The following KCNAB2 variants were observed in gnomAD, a reference collection of about 807,000 sequenced individuals.
The protein encoded by KCNAB2 is potassium voltage-gated channel subfamily A regulatory beta subunit 2.
Under a neutral mutation model 63.6 loss-of-function variants are expected in KCNAB2, and 29 were observed. The ratio of observed to expected loss-of-function variants is 0.46; its 90% CI spans 0.34 to 0.62. The LOEUF is 0.62. Ranked by LOEUF, KCNAB2 falls within the 20% of genes least tolerant of loss-of-function variation. The pLI is 0.01. For missense variants in KCNAB2, 359 were observed against 563.9 expected, an observed-to-expected ratio of 0.64 and a Z score of 3.68; for synonymous variants, 222 against 224.2, an observed-to-expected ratio of 0.99 and a Z score of 0.09.
upstream of KCNAB2, among the ~76,000 whole-genome samples, chr1:6,042,843 A>G (rs868750402): frequency 6.9e-5 from 2 of 29,008 alleles, no homozygotes; most frequent in African/African-American, 1.4e-4. Context: ...CCCACTCCCC[A>G]CCCCCCCCCC....
chr1:6,030,698 G>GTGTGTATGTGTGTAGGTA (rs1465911849), upstream of KCNAB2, among the ~76,000 whole-genome samples: 1 of 151,722 alleles, frequency 6.6e-6, no homozygotes, highest in Non-Finnish European at 1.5e-5. Flanking sequence ...GTGTATGTGT[G>GTGTGTATGTGTGTAGGTA]TGTGTATGTG....
In KCNAB2 at chr1:6,100,898, A is replaced by G. The variant is rs538; in HGVS notation, c.*2324A>G. On this transcript the variant is annotated 3_prime_UTR_variant, in exon 16 of 16. Coordinates refer to ENST00000378083, the MANE Select transcript of KCNAB2 (RefSeq NM_001199862.2). ...GAAAGGAGGGCGCTGGCCCTGCTGG[A>G]CGCTTCGGAGCCCCCACTGTTTCCC... The G allele has an allele frequency of 0.77, 117,332 of 152,320 alleles. 45,475 individuals are homozygous for G. Among genetic ancestry groups the G allele is most frequent in the East Asian group, 0.99 (5,105 of 5,164 alleles). 9.4% of individuals were successfully genotyped at this position (152,320 alleles called of 1,614,324 possible).
At chr1:6,094,610 A>C (rs985065733) in intron 11 of KCNAB2, 125 bp downstream of exon 11, 1 of 732,658 alleles carries the variant, frequency 1.4e-6, no homozygotes, top group Admixed American at 2.3e-5. Context: ...CCTGGGTGCT[A>C]AGGGAGGGAC....
chr1:6,096,687 C>G lies in KCNAB2; in HGVS notation c.1000C>G (p.Gln334Glu). The G allele has an allele frequency of 6.2e-7, 1 of 1,607,270 alleles. No homozygotes were observed. The highest frequency in any genetic ancestry group is 8.5e-7 in the Non-Finnish European group (1 of 1,178,072). The change falls in exon 14 of 16, where the codon CAA becomes GAA. Residue 334 changes from glutamine to glutamate, a missense_variant. Physicochemically the swap from Gln to Glu is conservative, Grantham distance 29. Coordinates refer to ENST00000378083, the MANE Select transcript of KCNAB2 (RefSeq NM_001199862.2). The surrounding 1 kb of genome is among the most constrained non-coding windows in gnomAD (Gnocchi z 5.9). Reference sequence around the variant, plus strand: ...CCTCAGTGAGGAGGGCCGGCGCCAGCAAGCCAAGCTGAAGGAGCTGCAGGC... The same window carrying G: ...CCTCAGTGAGGAGGGCCGGCGCCAGGAAGCCAAGCTGAAGGAGCTGCAGGC... ...KILSEEGRRQ[Q>E]AKLKELQAIA...
At chr1:6,068,525 G>A (rs1412877993) in intron 2 of KCNAB2, among the ~76,000 whole-genome samples, 1 of 152,200 alleles carries the variant, frequency 6.6e-6, no homozygotes, top group Non-Finnish European at 1.5e-5. Flanking sequence ...GGCCAGGCCT[G>A]GGAGCTTTCC....
chr1:6,075,166 C>T (rs1371435809), intron 4 of KCNAB2, among the ~76,000 whole-genome samples: 1 of 152,130 alleles, frequency 6.6e-6, no homozygotes, highest in Non-Finnish European at 1.5e-5. Context: ...GTTTCCCTTT[C>T]GATGTGGTTT....
chr1:6,010,877 G>C (rs115709435), intron 1 of KCNAB2, among the ~76,000 whole-genome samples: 3,878 of 152,348 alleles, frequency 0.025, 173 homozygotes, highest in African/African-American at 0.088. Flanking sequence ...TGGAAGCGGC[G>C]AATGAGTGGC....
intron 1 of KCNAB2, among the ~76,000 whole-genome samples, chr1:6,050,520 G>A (rs1290709077): frequency 3.3e-5 from 5 of 152,194 alleles, no homozygotes; most frequent in Admixed American, 6.5e-5. Flanking sequence ...CAGTGGTTGC[G>A]TTCTGGACAC....
At chr1:6,036,819 A>G (rs980110253) in intron 1 of KCNAB2, among the ~76,000 whole-genome samples, 1 of 151,876 alleles carries the variant, frequency 6.6e-6, no homozygotes, top group African/African-American at 2.4e-5. Flanking sequence ...GGAAGGGAGG[A>G]GCAGCGAGGT....
intron 2 of KCNAB2, among the ~76,000 whole-genome samples, chr1:6,061,725 T>G (rs904029035): frequency 1.3e-5 from 2 of 152,230 alleles, no homozygotes; most frequent in East Asian, 3.8e-4. Flanking sequence ...TATAACGGAA[T>G]ATAATGTGCA....
rs937843657 is a variant in KCNAB2, at chr1:5,994,643, G to A, written c.-53+1855G>A. Among the ~76,000 whole-genome samples, 28 of 152,234 alleles carry A rather than the reference G, an allele frequency of 1.8e-4. No homozygotes were observed. The highest frequency in any genetic ancestry group is 1.6e-3 in the Admixed American group (25 of 15,290). On this transcript the variant is annotated intron_variant, in intron 1 of 16. Coordinates refer to the KCNAB2 transcript ENST00000341524. The surrounding 1 kb of genome is among the most constrained non-coding windows in gnomAD (Gnocchi z 5.4). The stretch of plus-strand genomic sequence containing the variant: ...CGTGAAAAAGTGTGAAACCCTTTTC[G>A]TGTGTTTCTTGGTTGAGAACCGTCT...
intron 1 of KCNAB2, among the ~76,000 whole-genome samples, chr1:6,050,156 T>A (rs116293387): frequency 0.012 from 1,900 of 152,298 alleles, 44 homozygotes; most frequent in African/African-American, 0.043. Flanking sequence ...CCCAGCTCCT[T>A]CCCAGGGATA....
chr1:6,068,038 A>C (rs1468171269), intron 2 of KCNAB2, among the ~76,000 whole-genome samples: 1 of 152,242 alleles, frequency 6.6e-6, no homozygotes, highest in Non-Finnish European at 1.5e-5. Flanking sequence ...CTCAAAAAAA[A>C]TAAAGCTAGG....
chr1:6,040,450 G>T, intron 1 of KCNAB2: 1 of 868,210 alleles, frequency 1.2e-6, no homozygotes, highest in Non-Finnish European at 1.9e-6. Context: ...AGAGTCTCCC[G>T]GCCAAACCTG....
chr1:6,030,774 A>C (rs1019790237), upstream of KCNAB2, among the ~76,000 whole-genome samples: 3 of 142,314 alleles, frequency 2.1e-5, no homozygotes, highest in Non-Finnish European at 4.7e-5. Context: ...GTGTGTGTAG[A>C]TATGTGTGTG....
At chr1:6,056,560 G>A (rs985257115) in intron 2 of KCNAB2, among the ~76,000 whole-genome samples, 1 of 152,164 alleles carries the variant, frequency 6.6e-6, no homozygotes, top group African/African-American at 2.4e-5. Flanking sequence ...ACACTGTGCT[G>A]ACTGGACACC....
rs1463508700 is a variant in KCNAB2, at chr1:6,073,988, C to T, written c.300+218C>T. ...GGGGATGCCGAGTCTGGTGCCATCA[C>T]CCAGCAGTGGATGCCTCGGGCCTCA... On this transcript the variant is annotated intron_variant, in intron 4 of 15. Transcript: ENST00000378083. This position sits in a 1 kb window ranked among gnomAD's most constrained non-coding sequence, Gnocchi z 5.7. The T allele has an allele frequency of 1.7e-6, 1 of 591,634 alleles. No individual in the cohort carries two copies. Among genetic ancestry groups the T allele is most frequent in the Non-Finnish European group, 3.0e-6 (1 of 329,834 alleles). 36.6% of individuals were successfully genotyped at this position (591,634 alleles called of 1,614,324 possible).
chr1:6,096,566 C>T lies in KCNAB2; in HGVS notation c.949-70C>T. The T allele has an allele frequency of 6.5e-7, 1 of 1,540,036 alleles. No individual in the cohort carries two copies. Among genetic ancestry groups the T allele is most frequent in the South Asian group, 1.2e-5 (1 of 81,456 alleles). ...GTCCAGAAGGAATGAGCCCATCGGC[C>T]CCCTGCACGTGGGGGTCCAGGTGAC... On this transcript the variant is annotated intron_variant, in intron 13 of 15. Transcript: ENST00000378083. The surrounding 1 kb of genome is among the most constrained non-coding windows in gnomAD (Gnocchi z 5.9).
chr1:6,080,789 T>A (rs374088971), intron 4 of KCNAB2, among the ~76,000 whole-genome samples: 1 of 152,348 alleles, frequency 6.6e-6, no homozygotes, highest in East Asian at 1.9e-4. Flanking sequence ...CAGTGGTGGC[T>A]ACTCCGTCCT....
Sources: allele counts gnomAD v4.1 joint callset (sites outside exome capture counted in the v4.1 genomes callset), GRCh38; gene constraint gnomAD v4.1.1; non-coding constraint Gnocchi (gnomAD v3.1); transcripts MANE v1.5; gene names NCBI Gene and HGNC (gene_info 2026-07-23, HGNC 2026-07-21).